The following AFG2A variants were observed in gnomAD, a reference collection of about 807,000 sequenced individuals.
AFG2A encodes the protein ATPase family gene 2 protein homolog A.
At chr4:123,091,093 T>A in the AFG2A span, among the ~76,000 whole-genome samples, 2 of 152,232 alleles carry the variant, frequency 1.3e-5, no homozygotes, top group African/African-American at 4.8e-5. Flanking sequence ...ACACTGAGTA[T>A]GTGAGACTCA....
the AFG2A span, among the ~76,000 whole-genome samples, chr4:123,265,801 A>T: frequency 6.6e-6 from 1 of 152,114 alleles, no homozygotes; most frequent in Non-Finnish European, 1.5e-5. Flanking sequence ...GTAAATCTGT[A>T]TCTGTGGAGA....
chr4:123,038,193 CTT>C, the AFG2A span, among the ~76,000 whole-genome samples: 1 of 152,080 alleles, frequency 6.6e-6, no homozygotes, highest in Non-Finnish European at 1.5e-5. Flanking sequence ...AGCTGTGTGA[CTT>C]TGGACAAATT....
the AFG2A span, among the ~76,000 whole-genome samples, chr4:122,996,700 T>C: frequency 2.0e-5 from 3 of 152,018 alleles, no homozygotes; most frequent in East Asian, 3.9e-4. Context: ...GCCTGCAAGC[T>C]GGAGATGTAG....
chr4:122,943,955 A>G, the AFG2A span, among the ~76,000 whole-genome samples: 9 of 152,038 alleles, frequency 5.9e-5, no homozygotes, highest in African/African-American at 2.2e-4. Flanking sequence ...AGAATGTTGA[A>G]TATTGGCCCC....
chr4:123,189,532 A>T, the AFG2A span, among the ~76,000 whole-genome samples: 1 of 152,138 alleles, frequency 6.6e-6, no homozygotes, highest in African/African-American at 2.4e-5. Flanking sequence ...GGTCTTAATC[A>T]GATCAAGTTT....
the AFG2A span, among the ~76,000 whole-genome samples, chr4:122,944,427 T>A: frequency 6.6e-6 from 1 of 152,244 alleles, no homozygotes; most frequent in South Asian, 2.1e-4. Context: ...GTTGATCGCA[T>A]CGGCTCCTGA....
the AFG2A span, among the ~76,000 whole-genome samples, chr4:123,204,813 T>C: frequency 6.6e-6 from 1 of 152,030 alleles, no homozygotes; most frequent in African/African-American, 2.4e-5. Context: ...GTAGTTAGAG[T>C]TGGACCCAGT....
At chr4:123,252,757 T>C in the AFG2A span, among the ~76,000 whole-genome samples, 1 of 152,210 alleles carries the variant, frequency 6.6e-6, no homozygotes, top group Admixed American at 6.5e-5. Flanking sequence ...CCTCAAAAGA[T>C]TGCTTTTGCC....
the AFG2A span, among the ~76,000 whole-genome samples, chr4:123,294,721 C>A: frequency 2.6e-5 from 4 of 152,040 alleles, no homozygotes; most frequent in African/African-American, 9.7e-5. Flanking sequence ...AAGTACCCAA[C>A]CTGAGCTAAA....
chr4:122,947,688 T>C, the AFG2A span, among the ~76,000 whole-genome samples: 1 of 152,172 alleles, frequency 6.6e-6, no homozygotes, highest in South Asian at 2.1e-4. Context: ...TAAAAATCAC[T>C]CAATCCTACC....
chr4:123,099,424 G>T, the AFG2A span, among the ~76,000 whole-genome samples: 3 of 151,470 alleles, frequency 2.0e-5, no homozygotes, highest in East Asian at 5.8e-4. Flanking sequence ...AAAAATTATT[G>T]TCCAGGCCAG....
At chr4:123,026,095 G>T in the AFG2A span, among the ~76,000 whole-genome samples, 1 of 85,568 alleles carries the variant, frequency 1.2e-5, no homozygotes, top group South Asian at 4.8e-4. Flanking sequence ...ATAAGACCTC[G>T]TGTATGTGTA....
At chr4:123,319,004 A>G in the AFG2A span, 2 of 152,002 alleles carry the variant, frequency 1.3e-5, no homozygotes, top group East Asian at 3.9e-4. Flanking sequence ...GTTCCAGGAG[A>G]TTTTAGTTTG....
chr4:123,097,110 T>C, the AFG2A span, among the ~76,000 whole-genome samples: 5 of 152,162 alleles, frequency 3.3e-5, no homozygotes, highest in Admixed American at 3.3e-4. Context: ...GCTAAGATTA[T>C]AGGTGTGCAC....
the AFG2A span, among the ~76,000 whole-genome samples, chr4:123,044,411 T>A: frequency 6.6e-6 from 1 of 152,194 alleles, no homozygotes; most frequent in Non-Finnish European, 1.5e-5. Flanking sequence ...TATCCATTTG[T>A]AAACTGCTAT....
At chr4:123,161,443 A>G in the AFG2A span, among the ~76,000 whole-genome samples, 1 of 152,200 alleles carries the variant, frequency 6.6e-6, no homozygotes. Flanking sequence ...TGGGGAAGAA[A>G]GGATGCTATT....
At chr4:123,308,702 C>T in the AFG2A span, among the ~76,000 whole-genome samples, 1 of 152,212 alleles carries the variant, frequency 6.6e-6, no homozygotes, top group East Asian at 1.9e-4. Context: ...GACTGCTTAT[C>T]TAGATCATAT....
chr4:123,116,585 C>T, the AFG2A span, among the ~76,000 whole-genome samples: 1 of 152,152 alleles, frequency 6.6e-6, no homozygotes, highest in Non-Finnish European at 1.5e-5. Flanking sequence ...AGAAACCCTG[C>T]TGTAAAGTGT....
chr4:123,196,190 T>TTTTC, the AFG2A span, among the ~76,000 whole-genome samples: 66 of 145,970 alleles, frequency 4.5e-4, no homozygotes, highest in African/African-American at 1.6e-3. Context: ...TTTTTTTTTT[T>TTTTC]AGTAGGGATG....
Sources: gnomAD v4.1 joint callset for allele counts (sites outside exome capture counted in the v4.1 genomes callset) on GRCh38, gnomAD v4.1.1 for gene constraint, MANE v1.5 for transcripts, NCBI Gene and HGNC (gene_info 2026-07-23, HGNC 2026-07-21) for gene names.